ZNF232: variants seen among roughly 807,000 people sequenced by gnomAD.
ZNF232 encodes the protein zinc finger protein 232, also known as zinc finger and SCAN domain-containing protein 11.
Under a neutral mutation model 25.2 loss-of-function variants are expected in ZNF232, and 25 were observed. That is an observed-to-expected ratio of 0.99 (90% CI 0.72 to 1.39). The LOEUF is 1.39. Ranked by LOEUF, ZNF232 falls within the 40% of genes most tolerant of loss-of-function variation. The probability of loss-of-function intolerance (pLI) is 0.00; values close to 1 mark genes in which losing one functional copy is unlikely to be tolerated. For missense variants in ZNF232, 519 were observed against 520.9 expected, an observed-to-expected ratio of 1.00 and a Z score of 0.04; for synonymous variants, 193 against 182.9, an observed-to-expected ratio of 1.06 and a Z score of -0.45.
At chr17:5,121,646 C>T (rs577188246) in intron 1 of ZNF232, 50 of 159,510 alleles carry the variant, frequency 3.1e-4, no homozygotes, top group Non-Finnish European at 5.6e-4. Context: ...TCTGCTGCGA[C>T]GCGGAGCACC....
chr17:5,122,755 C>T (rs1291217883), intron 1 of ZNF232, among the ~76,000 whole-genome samples: 1 of 152,232 alleles, frequency 6.6e-6, no homozygotes, highest in Non-Finnish European at 1.5e-5. Flanking sequence ...GCGGGTATCC[C>T]CAAACTTCCC....
At chr17:5,120,515 G>C (rs537422171) in intron 1 of ZNF232, 4 of 340,600 alleles carry the variant, frequency 1.2e-5, no homozygotes, top group Admixed American at 4.2e-5. Context: ...ATCTGTGTCT[G>C]TCTGTCTGTC....
chr17:5,105,801 C>A, exon 4 of ZNF232: 1 of 1,540,726 alleles, frequency 6.5e-7, no homozygotes, highest in Non-Finnish European at 8.7e-7. Context: ...AGAATTCTGT[C>A]TGGAGACGTT....
At chr17:5,115,708 G>A (rs1466889543), upstream of ZNF232, among the ~76,000 whole-genome samples, 1 of 152,210 alleles carries the variant, frequency 6.6e-6, no homozygotes, top group Non-Finnish European at 1.5e-5. Flanking sequence ...AGTGTCAGAA[G>A]GCCCCATGAA....
chr17:5,120,217 C>G (rs992011347), intron 1 of ZNF232, among the ~76,000 whole-genome samples: 1 of 152,100 alleles, frequency 6.6e-6, no homozygotes, highest in Non-Finnish European at 1.5e-5. Flanking sequence ...GGGCCTGGCA[C>G]GGTGACACCA....
rs779938915 is a variant in ZNF232 at position 5,106,471 on chromosome 17, C to G, written c.661G>C (p.Gly221Arg). ...GTAATGGGTGGTTGTGGCAATGATCCTTTGTCCTTGGGCTCTGGGCCATCT... is the reference window on the plus strand; with the variant it reads ...GTAATGGGTGGTTGTGGCAATGATCGTTTGTCCTTGGGCTCTGGGCCATCT... Residue 221 changes from glycine (G) to arginine (R), a missense_variant, in exon 4 of 4, where the codon GGA becomes CGA. Gly to Arg is a moderately radical substitution (Grantham distance 125). Coordinates refer to ENST00000575898, the Ensembl canonical transcript of ZNF232. 3.1e-6 allele frequency: 5 copies of G among 1,614,200 alleles called. No individual in the cohort carries two copies. In the South Asian group the frequency reaches 4.4e-5, roughly 14 times the overall value.
Position 5,106,539 on chromosome 17 carries a change from T to A in ZNF232, c.626-33A>T. ...AAAATGTAAATATACCTGTTCTGGATGTATGAAGAAATGACACTTAGATTA... is the reference window on the plus strand; with the variant it reads ...AAAATGTAAATATACCTGTTCTGGAAGTATGAAGAAATGACACTTAGATTA... On this transcript the variant is annotated intron_variant, in intron 3 of 3. Coordinates refer to ENST00000575898, the Ensembl canonical transcript of ZNF232. 1 of 1,577,092 alleles carries A rather than the reference T, an allele frequency of 6.3e-7. No homozygotes were observed. Among genetic ancestry groups the A allele is most frequent in the Non-Finnish European group, 8.6e-7 (1 of 1,161,870 alleles).
At chr17:5,111,735 G>A in intron 1 of ZNF232, 65 bp downstream of exon 1, 2 of 1,611,996 alleles carry the variant, frequency 1.2e-6, no homozygotes, top group East Asian at 2.2e-5. Context: ...AGCCGCCGCT[G>A]CCTGCGGGAC....
intron 1 of ZNF232, among the ~76,000 whole-genome samples, chr17:5,117,328 C>T (rs2072560178): frequency 6.6e-6 from 1 of 151,918 alleles, no homozygotes; most frequent in Admixed American, 6.6e-5. Context: ...CCAGCCTGAC[C>T]AACATGGTGA....
At chr17:5,109,359 C>G (rs770100145) in intron 2 of ZNF232, 35 bp downstream of exon 2, 3 of 1,613,086 alleles carry the variant, frequency 1.9e-6, no homozygotes, top group Non-Finnish European at 2.5e-6. Context: ...GGTCATCAAT[C>G]TGGCTCCCAT....
chr17:5,120,304 G>A (rs1239265238), intron 1 of ZNF232, among the ~76,000 whole-genome samples: 2 of 152,166 alleles, frequency 1.3e-5, no homozygotes, highest in African/African-American at 4.8e-5. Flanking sequence ...CAAGGTCAGG[G>A]CAGTGAGTGA....
At chr17:5,111,668 C>A in intron 1 of ZNF232, 132 bp downstream of exon 1, 1 of 1,457,142 alleles carries the variant, frequency 6.9e-7, no homozygotes, top group Non-Finnish European at 9.3e-7. Context: ...CCACGGGCAA[C>A]CCAAACCCCT....
chr17:5,117,589 G>A (rs547722079), intron 1 of ZNF232, among the ~76,000 whole-genome samples: 19 of 151,502 alleles, frequency 1.3e-4, no homozygotes, highest in African/African-American at 3.4e-4. Context: ...GAATATATAT[G>A]TCACAATAAG....
At chr17:5,115,577 A>ACACACACACACACACACACAC (rs1567761979), upstream of ZNF232, among the ~76,000 whole-genome samples, 51 of 79,034 alleles carry the variant, frequency 6.5e-4, no homozygotes, top group African/African-American at 2.4e-3. Context: ...CACACACACA[A>ACACACACACACACACACACAC]AACCCAAAAC....
upstream of ZNF232, among the ~76,000 whole-genome samples, chr17:5,115,555 A>AAAACACACACACACACAC (rs137912934): frequency 1.3e-5 from 2 of 148,664 alleles, no homozygotes; most frequent in South Asian, 4.4e-4. Context: ...CGTCTCCAAA[A>AAAACACACACACACACAC]ACACACACAC....
At chr17:5,117,572 C>T (rs934027293) in intron 1 of ZNF232, among the ~76,000 whole-genome samples, 4 of 150,654 alleles carry the variant, frequency 2.7e-5, no homozygotes, top group East Asian at 2.0e-4. Flanking sequence ...TAAATGGGGT[C>T]GCATCAGAAT....
intron 1 of ZNF232, chr17:5,111,412 G>T (rs1308636291): frequency 1.6e-5 from 5 of 312,612 alleles, no homozygotes. Context: ...CAAAGGAGGC[G>T]CGAGGAAAAA....
upstream of ZNF232, chr17:5,114,114 C>T (rs1419417300): frequency 6.6e-6 from 1 of 152,174 alleles, no homozygotes; most frequent in Non-Finnish European, 1.5e-5. Flanking sequence ...CTTCTCTCTT[C>T]CTATATGTAC....
intron 3 of ZNF232, among the ~76,000 whole-genome samples, chr17:5,107,173 G>A (rs947475257): frequency 6.6e-6 from 1 of 151,730 alleles, no homozygotes; most frequent in African/African-American, 2.4e-5. Context: ...TGGATCACGA[G>A]GTCAGGAGAT....
Sources: gnomAD v4.1 joint callset for allele counts (sites outside exome capture counted in the v4.1 genomes callset) on GRCh38, gnomAD v4.1.1 for gene constraint, MANE v1.5 for transcripts, NCBI Gene and HGNC (gene_info 2026-07-23, HGNC 2026-07-21) for gene names.